The following TCERG1L variants were observed in gnomAD, a reference collection of about 807,000 sequenced individuals.
TCERG1L encodes the protein transcription elongation regulator 1-like protein.
TCERG1L carries 37 observed loss-of-function variants against 56.3 expected under a neutral mutation model. That is an observed-to-expected ratio of 0.66 (90% CI 0.51 to 0.87). The LOEUF (loss-of-function observed/expected upper bound fraction) is 0.87, where lower values mean the gene tolerates loss of function less well. TCERG1L is among the 40% of genes least tolerant of loss of function. The pLI is 0.00. For missense variants in TCERG1L, 799 were observed against 774.2 expected (o/e 1.03, Z -0.38); for synonymous variants, 324 against 326.3 (o/e 0.99, Z 0.08).
At chr10:131,174,737 A>G (rs555003198) in intron 4 of TCERG1L, among the ~76,000 whole-genome samples, 1 of 152,320 alleles carries the variant, frequency 6.6e-6, no homozygotes, top group South Asian at 2.1e-4. Context: ...TGCCCCTTGC[A>G]AGAACAAAGG....
chr10:131,271,448 G>A (rs910614206), intron 3 of TCERG1L, among the ~76,000 whole-genome samples: 1 of 152,216 alleles, frequency 6.6e-6, no homozygotes, highest in Non-Finnish European at 1.5e-5. Context: ...CAGAAGGCAC[G>A]TGGCTGGAGA....
At chr10:131,144,448 C>A (rs977230491) in intron 7 of TCERG1L, among the ~76,000 whole-genome samples, 13 of 152,168 alleles carry the variant, frequency 8.5e-5, no homozygotes, top group African/African-American at 2.9e-4. Context: ...GAAACACCTC[C>A]TGTCCTAATT....
rs1217651787 is a variant in TCERG1L, at chr10:131,104,268, C to T, written c.1482G>A (p.Lys494=). Residue 494 remains lysine (K), a synonymous_variant, in exon 10 of 12, where the codon AAG becomes AAA. Transcript: ENST00000368642. ...AAGTGCCTTCCCACCCAGTTACCTGCTTTCGTTCCTCAGAGTTGAGCAGGA... is the reference window on the plus strand; with the variant it reads ...AAGTGCCTTCCCACCCAGTTACCTGTTTTCGTTCCTCAGAGTTGAGCAGGA... ...RYLLLNSEER[K]QIFEQFVKTR... 1.3e-6 allele frequency: 2 copies of T among 1,547,720 alleles called. No homozygotes were observed. The highest frequency in any genetic ancestry group is 1.7e-6 in the Non-Finnish European group (2 of 1,143,662).
intron 7 of TCERG1L, among the ~76,000 whole-genome samples, chr10:131,139,706 G>GTGTCTGTGTGTATGTGTGCCTGTGTA (rs1845713905): frequency 6.6e-6 from 1 of 152,020 alleles, no homozygotes; most frequent in Non-Finnish European, 1.5e-5. Flanking sequence ...GTGTGTGTGT[G>GTGTCTGTGTGTATGTGTGCCTGTGTA]TGTGTCTGTG....
At position 131,120,840 on chromosome 10, in the gene TCERG1L, A is replaced by C. The variant is rs572903384; in HGVS notation, c.1260-3906T>G. On this transcript the variant is annotated intron_variant, in intron 8 of 11. Coordinates refer to ENST00000368642, the MANE Select transcript of TCERG1L (RefSeq NM_174937.4). ...TCGGAGCGACCCCTCCTGCTCCTTC[A>C]CTCCTTCCCTCCCTCTCCAGCTTGC... 2.0e-5 allele frequency among the ~76,000 whole-genome samples: 3 copies of C among 151,470 alleles called. No individual in the cohort carries two copies. The South Asian group carries it at 6.3e-4, about 32-fold the overall frequency.
chr10:131,251,189 C>T (rs184326170), intron 4 of TCERG1L, among the ~76,000 whole-genome samples: 488 of 152,298 alleles, frequency 3.2e-3, no homozygotes, highest in Non-Finnish European at 4.3e-3. Context: ...CCTCTTCGTT[C>T]CCCTGGAGCT....
intron 6 of TCERG1L, among the ~76,000 whole-genome samples, chr10:131,157,834 T>C (rs1323620926): frequency 1.3e-5 from 2 of 152,224 alleles, no homozygotes; most frequent in Non-Finnish European, 2.9e-5. Context: ...TGGGACACGG[T>C]ATCCTTGAAA....
At chr10:131,177,300 A>C (rs1845111966) in intron 4 of TCERG1L, among the ~76,000 whole-genome samples, 1 of 152,252 alleles carries the variant, frequency 6.6e-6, no homozygotes, top group Non-Finnish European at 1.5e-5. Context: ...CTTTTGCCTG[A>C]TGATGGCTTT....
chr10:131,107,419 A>G, intron 9 of TCERG1L, among the ~76,000 whole-genome samples: 1 of 152,208 alleles, frequency 6.6e-6, no homozygotes, highest in Non-Finnish European at 1.5e-5. Context: ...CCATCTCTAC[A>G]ATGATTACAA....
At chr10:131,280,906 T>A (rs7090823) in intron 3 of TCERG1L, among the ~76,000 whole-genome samples, 2 of 152,118 alleles carry the variant, frequency 1.3e-5, no homozygotes, top group East Asian at 3.9e-4. Flanking sequence ...AGGTATAAAG[T>A]GAAGAAATTT....
At chr10:131,285,080 T>C (rs974205178) in intron 3 of TCERG1L, among the ~76,000 whole-genome samples, 4 of 151,870 alleles carry the variant, frequency 2.6e-5, no homozygotes, top group African/African-American at 9.7e-5. Context: ...GTGAGTCTAG[T>C]AAAAGAAAAT....
chr10:131,237,877 C>T (rs1029255089), intron 4 of TCERG1L, among the ~76,000 whole-genome samples: 4 of 152,298 alleles, frequency 2.6e-5, no homozygotes, highest in East Asian at 1.9e-4. Flanking sequence ...TGAGAGTTGG[C>T]GGGCGTATGC....
At chr10:131,240,370 T>G (rs1421201052) in intron 4 of TCERG1L, among the ~76,000 whole-genome samples, 1 of 152,118 alleles carries the variant, frequency 6.6e-6, no homozygotes, top group African/African-American at 2.4e-5. Flanking sequence ...CATGCATGTA[T>G]TGGGTACGCT....
At chr10:131,127,051 T>C (rs1845572439) in intron 8 of TCERG1L, among the ~76,000 whole-genome samples, 1 of 152,126 alleles carries the variant, frequency 6.6e-6, no homozygotes, top group Non-Finnish European at 1.5e-5. Context: ...TTAGGTAATA[T>C]TGAAGGAGAC....
intron 3 of TCERG1L, among the ~76,000 whole-genome samples, chr10:131,305,474 C>T (rs192435840): frequency 1.2e-4 from 18 of 152,168 alleles, no homozygotes; most frequent in Non-Finnish European, 2.4e-4. Context: ...CCCATCTCTA[C>T]CAGAGAGATT....
chr10:131,145,192 G>A (rs193257434), intron 7 of TCERG1L, among the ~76,000 whole-genome samples: 27 of 152,320 alleles, frequency 1.8e-4, no homozygotes, highest in South Asian at 8.3e-4. Context: ...AATGTTTCCC[G>A]TGGGATCTGA....
At chr10:131,182,205 T>G (rs1457484053) in intron 4 of TCERG1L, among the ~76,000 whole-genome samples, 1 of 152,220 alleles carries the variant, frequency 6.6e-6, no homozygotes. Flanking sequence ...GTCTGCCGTG[T>G]GAGTGGGCAT....
chr10:131,231,374 C>T (rs1845850063), intron 4 of TCERG1L, among the ~76,000 whole-genome samples: 1 of 152,236 alleles, frequency 6.6e-6, no homozygotes, highest in Admixed American at 6.5e-5. Flanking sequence ...TGTGCCTCCA[C>T]AGCCCCACCC....
intron 7 of TCERG1L, among the ~76,000 whole-genome samples, chr10:131,144,256 A>G (rs1485377807): frequency 6.6e-6 from 1 of 152,222 alleles, no homozygotes; most frequent in Admixed American, 6.5e-5. Context: ...TACAATGACT[A>G]ATAGTCAAAC....
Sources: allele counts gnomAD v4.1 joint callset (sites outside exome capture counted in the v4.1 genomes callset), GRCh38; gene constraint gnomAD v4.1.1; transcripts MANE v1.5; gene names NCBI Gene and HGNC (gene_info 2026-07-23, HGNC 2026-07-21).